Variants in POC1B observed in about 807,000 individuals in gnomAD.
The protein encoded by POC1B is POC1 centriolar protein B.
A neutral mutation model predicts 60.6 loss-of-function variants in POC1B; 44 were observed. The observed-to-expected ratio is 0.73, with a 90% CI of 0.57 to 0.93. POC1B has a LOEUF of 0.93. Ranked by LOEUF, POC1B falls within the 40% of genes least tolerant of loss-of-function variation. POC1B has a pLI of 0.00. For synonymous variants in POC1B, 180 were observed against 198.9 expected, an observed-to-expected ratio of 0.90 and a Z score of 0.80; for missense variants, 555 against 572.3, an observed-to-expected ratio of 0.97 and a Z score of 0.31.
chr12:89,449,153 G>A (rs1018386747), intron 10 of POC1B, among the ~76,000 whole-genome samples: 1 of 152,212 alleles, frequency 6.6e-6, no homozygotes, highest in African/African-American at 2.4e-5. Flanking sequence ...GGTTGGTGCT[G>A]GTGTTCAGTC....
chr12:89,460,516 C>G (rs1882445198), intron 9 of POC1B, among the ~76,000 whole-genome samples: 1 of 152,202 alleles, frequency 6.6e-6, no homozygotes, highest in Non-Finnish European at 1.5e-5. Context: ...GACGCCAACA[C>G]TGTTTGTAGC....
intron 4 of POC1B, among the ~76,000 whole-genome samples, chr12:89,484,215 G>T (rs1163508184): frequency 6.6e-6 from 1 of 152,156 alleles, no homozygotes; most frequent in Non-Finnish European, 1.5e-5. Context: ...AGAGGATAAA[G>T]AAATAAACAT....
At chr12:89,482,270 T>C (rs978726815) in intron 4 of POC1B, among the ~76,000 whole-genome samples, 3 of 151,882 alleles carry the variant, frequency 2.0e-5, no homozygotes, top group South Asian at 4.1e-4. Context: ...GATAAGGCAA[T>C]AGAAATTATA....
At chr12:89,521,466 C>T (rs1276199969) in intron 2 of POC1B, 1 of 152,210 alleles carries the variant, frequency 6.6e-6, no homozygotes, top group Non-Finnish European at 1.5e-5. Context: ...CTGAACATTG[C>T]TCAACTGCTC....
At chr12:89,481,703 C>T (rs1267481140) in intron 4 of POC1B, among the ~76,000 whole-genome samples, 1 of 152,168 alleles carries the variant, frequency 6.6e-6, no homozygotes, top group Non-Finnish European at 1.5e-5. Flanking sequence ...TACAAAGCTG[C>T]CCGTGCAAAG....
At chr12:89,470,964 A>G (rs1041083104) in intron 6 of POC1B, among the ~76,000 whole-genome samples, 1 of 152,178 alleles carries the variant, frequency 6.6e-6, no homozygotes, top group African/African-American at 2.4e-5. Flanking sequence ...ACAATGATCA[A>G]AAGTTAATTT....
chr12:89,419,670 A>G (rs941700291), downstream of POC1B: 1 of 152,224 alleles, frequency 6.6e-6, no homozygotes, highest in African/African-American at 2.4e-5. Context: ...GGATGATAAG[A>G]TGTTTAGTAC....
intron 6 of POC1B, among the ~76,000 whole-genome samples, chr12:89,471,023 T>C (rs533951702): frequency 8.5e-5 from 13 of 152,338 alleles, no homozygotes; most frequent in African/African-American, 2.2e-4. Flanking sequence ...TATTGATTCT[T>C]TGAGCAAGTT....
intron 4 of POC1B, among the ~76,000 whole-genome samples, chr12:89,490,645 C>T (rs1388161590): frequency 2.6e-5 from 4 of 152,104 alleles, no homozygotes; most frequent in Non-Finnish European, 5.9e-5. Context: ...GTGCCCAGCC[C>T]CCAGACAGTT....
chr12:89,418,878 AG>A (rs1299990088), downstream of POC1B, among the ~76,000 whole-genome samples: 1 of 152,178 alleles, frequency 6.6e-6, no homozygotes, highest in Non-Finnish European at 1.5e-5. Flanking sequence ...ATCCAGCCTC[AG>A]GTATTCCTCT....
intron 2 of POC1B, chr12:89,523,816 C>G (rs1565765394): frequency 6.5e-7 from 1 of 1,540,662 alleles, no homozygotes; most frequent in Non-Finnish European, 8.7e-7. Flanking sequence ...TTCATCTCTC[C>G]CAATCCTTTC....
intron 2 of POC1B, among the ~76,000 whole-genome samples, chr12:89,518,827 C>T (rs913908927): frequency 5.3e-5 from 8 of 152,122 alleles, no homozygotes; most frequent in African/African-American, 1.9e-4. Flanking sequence ...CAAGTATTTA[C>T]AGGAACTTTT....
downstream of POC1B, among the ~76,000 whole-genome samples, chr12:89,417,119 A>T (rs1880377256): frequency 6.6e-6 from 1 of 152,214 alleles, no homozygotes; most frequent in Non-Finnish European, 1.5e-5. Flanking sequence ...GTACTATTTA[A>T]ATAAACTAAT....
downstream of POC1B, among the ~76,000 whole-genome samples, chr12:89,417,993 C>G (rs553669750): frequency 6.6e-6 from 1 of 152,150 alleles, no homozygotes; most frequent in Non-Finnish European, 1.5e-5. Context: ...AACTGGAAAC[C>G]GTTCTCAGCT....
intron 9 of POC1B, among the ~76,000 whole-genome samples, chr12:89,463,396 A>G (rs1044760043): frequency 2.0e-5 from 3 of 152,042 alleles, no homozygotes; most frequent in African/African-American, 4.8e-5. Flanking sequence ...ATGTGTAAGA[A>G]AGAAGGGAAC....
At position 89,463,347 on chromosome 12, in the gene POC1B, C is replaced by T. The variant is rs141930225; in HGVS notation, c.1032+3423G>A. On this transcript the variant is annotated intron_variant, in intron 9 of 11. Transcript: ENST00000313546. ...ATGCTTTACTGTCATTAAGAGCTAT[C>T]GCCATCGCTTAGAGTGGCTCTACTG... Among the ~76,000 whole-genome samples, 243 of 152,276 alleles carry T rather than the reference C, an allele frequency of 1.6e-3. 1 individual carries two copies. The highest frequency in any genetic ancestry group is 4.3e-3 in the Admixed American group (66 of 15,296).
At chr12:89,501,291 A>G in intron 2 of POC1B, 1 of 1,025,018 alleles carries the variant, frequency 9.8e-7, no homozygotes, top group South Asian at 1.3e-5. Flanking sequence ...ATGACTGTAG[A>G]TCTACAAAAT....
intron 10 of POC1B, among the ~76,000 whole-genome samples, chr12:89,451,045 G>T (rs1882022582): frequency 6.6e-6 from 1 of 152,078 alleles, no homozygotes; most frequent in Admixed American, 6.6e-5. Flanking sequence ...TGGATTATTA[G>T]AAACTAGACA....
At chr12:89,428,443 T>C (rs1243681681) in intron 10 of POC1B, 1 of 152,302 alleles carries the variant, frequency 6.6e-6, no homozygotes, top group Non-Finnish European at 1.5e-5. Context: ...TGCTTGTCTA[T>C]TGTCTGTCTC....
Sources: gnomAD v4.1 joint callset for allele counts (sites outside exome capture counted in the v4.1 genomes callset) on GRCh38, gnomAD v4.1.1 for gene constraint, MANE v1.5 for transcripts, NCBI Gene and HGNC (gene_info 2026-07-23, HGNC 2026-07-21) for gene names.